Variants in DAAM1 observed in about 807,000 individuals in gnomAD.
DAAM1 encodes disheveled-associated activator of morphogenesis 1.
A neutral mutation model predicts 130.0 loss-of-function variants in DAAM1; 52 were observed. The ratio of observed to expected loss-of-function variants is 0.40; its 90% CI spans 0.32 to 0.50. The LOEUF (loss-of-function observed/expected upper bound fraction) is 0.50, where lower values mean the gene tolerates loss of function less well. Ranked by LOEUF, DAAM1 falls within the 20% of genes least tolerant of loss-of-function variation. The pLI is 0.61. For missense variants in DAAM1, 1,134 were observed against 1,303.8 expected (o/e 0.87, Z 2.01); for synonymous variants, 452 against 444.5 (o/e 1.02, Z -0.21).
intron 12 of DAAM1, among the ~76,000 whole-genome samples, 163 bp downstream of exon 12, chr14:59,327,154 A>G (rs760247789): frequency 2.0e-5 from 3 of 151,930 alleles, no homozygotes; most frequent in Admixed American, 6.6e-5. Context: ...TCTTAAATTG[A>G]GCTATTTTAG....
At chr14:59,332,001 C>T (rs941765695) in intron 15 of DAAM1, 81 bp downstream of exon 15, 94 of 1,196,258 alleles carry the variant, frequency 7.9e-5, no homozygotes, top group Non-Finnish European at 9.6e-5. Flanking sequence ...CAGCCATGGC[C>T]GTGATGTGAC....
rs553277852 is a variant in DAAM1, at chr14:59,363,412, C to A, written c.2695-239C>A. On this transcript the variant is annotated intron_variant, in intron 22 of 24. Coordinates refer to ENST00000360909, the MANE Select transcript of DAAM1 (RefSeq NM_001270520.2). ...AGCCTGAAAGAGAAATCACATAGAT[C>A]AAGTACTTAGATTGTTGGTAAATTG... 3.6e-5 allele frequency: 15 copies of A among 421,524 alleles called. No homozygotes were observed. The South Asian group carries it at 4.5e-4, about 13-fold the overall frequency. 26.1% of individuals were successfully genotyped at this position (421,524 alleles called of 1,614,324 possible).
chr14:59,240,673 TG>T (rs200879574), intron 1 of DAAM1, among the ~76,000 whole-genome samples: 3,227 of 152,346 alleles, frequency 0.021, 68 homozygotes, highest in Non-Finnish European at 0.028. Flanking sequence ...TGGTATTATA[TG>T]GTGCTTATAT....
chr14:59,237,439 C>T (rs1889338323), intron 1 of DAAM1, among the ~76,000 whole-genome samples: 1 of 152,042 alleles, frequency 6.6e-6, no homozygotes, highest in Non-Finnish European at 1.5e-5. Context: ...ATTTTGACCA[C>T]CCCTGAGCAA....
At chr14:59,331,036 C>T (rs1345667169) in intron 13 of DAAM1, among the ~76,000 whole-genome samples, 173 bp from the exon 14 acceptor site, 1 of 152,156 alleles carries the variant, frequency 6.6e-6, no homozygotes, top group East Asian at 1.9e-4. Flanking sequence ...GGTTGATGCA[C>T]TGGAGTCCAT....
chr14:59,200,692 G>C (rs970460251), intron 1 of DAAM1, among the ~76,000 whole-genome samples: 1 of 152,148 alleles, frequency 6.6e-6, no homozygotes, highest in Non-Finnish European at 1.5e-5. Flanking sequence ...ACGTTCCTTC[G>C]CAGTTGGATA....
chr14:59,333,441 G>C (rs1222707174), intron 15 of DAAM1, among the ~76,000 whole-genome samples: 2 of 152,224 alleles, frequency 1.3e-5, no homozygotes, highest in African/African-American at 2.4e-5. Flanking sequence ...GTCCTCACGT[G>C]GCAGGGACTG....
chr14:59,348,127 T>C (rs546137271), intron 17 of DAAM1, among the ~76,000 whole-genome samples: 1 of 152,338 alleles, frequency 6.6e-6, no homozygotes, highest in East Asian at 1.9e-4. Flanking sequence ...GTTGTAAATG[T>C]CTTGGGGCTA....
At chr14:59,330,407 T>G in intron 12 of DAAM1, 94 bp from the exon 13 acceptor site, 1 of 1,180,082 alleles carries the variant, frequency 8.5e-7, no homozygotes, top group South Asian at 1.7e-5. Context: ...ATCCTCATAA[T>G]CTCTGCCATC....
At chr14:59,278,084 T>C (rs573863896) in intron 2 of DAAM1, among the ~76,000 whole-genome samples, 1 of 152,066 alleles carries the variant, frequency 6.6e-6, no homozygotes, top group African/African-American at 2.4e-5. Flanking sequence ...TAACAATAGG[T>C]TGTAATAAAT....
intron 1 of DAAM1, among the ~76,000 whole-genome samples, chr14:59,230,909 A>T (rs1252980): frequency 0.13 from 20,496 of 152,138 alleles, 1,565 homozygotes; most frequent in Middle Eastern, 0.19. Context: ...GCATTATTAT[A>T]TGGCATGTGG....
At chr14:59,301,663 G>A (rs17096048) in intron 3 of DAAM1, among the ~76,000 whole-genome samples, 9,518 of 152,182 alleles carry the variant, frequency 0.063, 387 homozygotes, top group Non-Finnish European at 0.093. Context: ...TGGGGCTCAC[G>A]CAATCAGCCC....
chr14:59,353,570 G>T (rs1886366894), intron 18 of DAAM1, among the ~76,000 whole-genome samples: 1 of 152,162 alleles, frequency 6.6e-6, no homozygotes, highest in Admixed American at 6.5e-5. Flanking sequence ...AGGGAGGAGA[G>T]ATGCGCTTCA....
At chr14:59,331,789 C>A in intron 14 of DAAM1, 24 bp from the exon 15 acceptor site, 1 of 1,601,444 alleles carries the variant, frequency 6.2e-7, no homozygotes. Flanking sequence ...TAAACTATAG[C>A]ACTTATTACA....
intron 1 of DAAM1, among the ~76,000 whole-genome samples, chr14:59,225,970 A>T (rs553986943): frequency 9.3e-4 from 141 of 152,316 alleles, no homozygotes; most frequent in African/African-American, 3.3e-3. Flanking sequence ...AAGAAACTCA[A>T]GCCCTACGAC....
At chr14:59,327,884 T>C (rs1227347274) in intron 12 of DAAM1, among the ~76,000 whole-genome samples, 3 of 152,232 alleles carry the variant, frequency 2.0e-5, no homozygotes, top group Non-Finnish European at 4.4e-5. Flanking sequence ...TATCAAATGA[T>C]AGGAGAGACA....
chr14:59,244,613 G>A (rs1459109727), intron 1 of DAAM1, among the ~76,000 whole-genome samples: 2 of 152,180 alleles, frequency 1.3e-5, no homozygotes, highest in Non-Finnish European at 2.9e-5. Flanking sequence ...CACACATGCA[G>A]AATTGTGAAT....
intron 12 of DAAM1, 101 bp downstream of exon 12, chr14:59,327,092 G>T: frequency 7.6e-7 from 1 of 1,307,516 alleles, no homozygotes; most frequent in East Asian, 2.3e-5. Flanking sequence ...TTGTTAGCTT[G>T]GTGCAGGCAG....
chr14:59,315,226 A>C, intron 3 of DAAM1, 54 bp from the exon 4 acceptor site: 4 of 1,520,074 alleles, frequency 2.6e-6, no homozygotes, highest in Non-Finnish European at 3.7e-6. Flanking sequence ...ATGTGTTTCT[A>C]GGTGCTGTGT....
Sources: allele counts gnomAD v4.1 joint callset (sites outside exome capture counted in the v4.1 genomes callset), GRCh38; gene constraint gnomAD v4.1.1; transcripts MANE v1.5; gene names NCBI Gene and HGNC (gene_info 2026-07-23, HGNC 2026-07-21).